The following PNP variants were observed in gnomAD, a reference collection of about 807,000 sequenced individuals.
PNP encodes the protein HEL-S-156an.
In PNP, 18 loss-of-function variants were observed where a neutral mutation model predicts 26.8. The observed-to-expected ratio is 0.67, with a 90% CI of 0.46 to 1.00. The LOEUF (loss-of-function observed/expected upper bound fraction) is 1.00, where lower values mean the gene tolerates loss of function less well. Ranked by LOEUF, PNP falls within the 50% of genes least tolerant of loss-of-function variation. The probability of loss-of-function intolerance (pLI) is 0.00; values close to 1 mark genes in which losing one functional copy is unlikely to be tolerated. For synonymous variants in PNP, 116 were observed against 124.8 expected (o/e 0.93, Z 0.47); for missense variants, 320 against 362.9 (o/e 0.88, Z 0.96).
intron 4 of PNP, 51 bp downstream of exon 4, chr14:20,474,999 C>G (rs1566525722): frequency 6.2e-7 from 1 of 1,613,482 alleles, no homozygotes; most frequent in African/African-American, 1.3e-5. Context: ...AAAGACTTCT[C>G]TAGGAGCTGT....
chr14:20,471,226 T>G (rs1008639594), intron 1 of PNP, among the ~76,000 whole-genome samples: 3 of 142,398 alleles, frequency 2.1e-5, no homozygotes, highest in African/African-American at 5.4e-5. Context: ...TTTTTTTGTA[T>G]TTTTAGTAGA....
chr14:20,472,393 T>C lies in PNP; in HGVS notation c.97T>C (p.Ser33Pro). 3 of 1,614,010 alleles carry C rather than the reference T, an allele frequency of 1.9e-6. No individual in the cohort carries two copies. Among genetic ancestry groups the C allele is most frequent in the Non-Finnish European group, 2.5e-6 (3 of 1,179,866 alleles). Residue 33 changes from serine (S) to proline (P), a missense_variant, in exon 2 of 6, where the codon TCT becomes CCT. Physicochemically the swap from Ser to Pro is moderately conservative, Grantham distance 74. Coordinates refer to ENST00000361505, the MANE Select transcript of PNP (RefSeq NM_000270.4). The part of the protein sequence containing the change: ...HRPQVAIICG[S>P]GLGGLTDKLT... ...ACCTCAAGTTGCAATAATCTGTGGT[T>C]CTGGATTAGGAGGTCTGACTGATAA...
chr14:20,476,683 C>T lies in PNP; in HGVS notation c.*82C>T. 1 of 1,069,924 alleles carries T rather than the reference C, an allele frequency of 9.3e-7. No homozygotes were observed. The highest frequency in any genetic ancestry group is 1.4e-6 in the Non-Finnish European group (1 of 692,670). The allele number at this position is 1,069,924 out of a possible 1,614,324, so 66.3% of individuals were successfully genotyped here. A position where few individuals can be genotyped will look rare whatever the true frequency, so the allele number is the denominator to read the frequency against. On this transcript the variant is annotated 3_prime_UTR_variant, in exon 6 of 6. Transcript: ENST00000361505. Reference sequence around the variant, plus strand: ...TTTGGCCCCTTGCTGGAGTCATGTGCCTCTGTCCTTAGGTTGTAGCAGAAA... The same window carrying T: ...TTTGGCCCCTTGCTGGAGTCATGTGTCTCTGTCCTTAGGTTGTAGCAGAAA...
At chr14:20,474,292 T>G (rs1713421) in intron 2 of PNP, 180 bp from the exon 3 acceptor site, 123,094 of 600,732 alleles carry the variant, frequency 0.2, 13,557 homozygotes, top group African/African-American at 0.32. Context: ...GTATAATTAT[T>G]AGTAATGCCT....
rs535741893 is a variant in PNP at position 20,476,654 on chromosome 14, C to A, written c.*53C>A. The A allele has an allele frequency of 7.0e-6, 10 of 1,420,520 alleles. No individual in the cohort carries two copies. In the African/African-American group the frequency reaches 1.4e-4, roughly 20 times the overall value. 88.0% of individuals were successfully genotyped at this position (1,420,520 alleles called of 1,614,324 possible). On this transcript the variant is annotated 3_prime_UTR_variant, in exon 6 of 6. Coordinates refer to ENST00000361505, the MANE Select transcript of PNP (RefSeq NM_000270.4). ...CACACAAGACCCAAGTAGCTGCTACCTTCTTTGGCCCCTTGCTGGAGTCAT... is the reference window on the plus strand; with the variant it reads ...CACACAAGACCCAAGTAGCTGCTACATTCTTTGGCCCCTTGCTGGAGTCAT...
rs1369359044 is a variant in PNP at position 20,476,381 on chromosome 14, C to G, written c.653-3C>G. The G allele has an allele frequency of 3.1e-6, 5 of 1,610,516 alleles. No homozygotes were observed. In the African/African-American group the frequency reaches 6.7e-5, roughly 22 times the overall value. ...AGTTGGTTTCCATCTTTCTCACTAT[C>G]AGGCATGAGTACAGTACCAGAAGTT... On this transcript the variant is annotated splice_region_variant and splice_polypyrimidine_tract_variant and intron_variant, in intron 5 of 5. Transcript: ENST00000361505.
chr14:20,472,358 C>T lies in PNP; in HGVS notation c.62C>T (p.Thr21Ile), dbSNP rs779046798. The T allele has an allele frequency of 1.9e-6, 3 of 1,613,762 alleles. No homozygotes were observed. Among genetic ancestry groups the T allele is most frequent in the South Asian group, 2.2e-5 (2 of 91,078 alleles). ...ACTGCAGAATGGCTTCTGTCTCACA[C>T]TAAGCACCGACCTCAAGTTGCAATA... ...KNTAEWLLSH[T>I]KHRPQVAIIC... The change falls in exon 2 of 6, where the codon ACT (threonine) becomes ATT (isoleucine). Residue 21 changes from threonine (T) to isoleucine (I), a missense_variant. Transcript: ENST00000361505.
intron 1 of PNP, chr14:20,469,791 G>T (rs1268591030): frequency 3.3e-6 from 2 of 609,734 alleles, no homozygotes; most frequent in Non-Finnish European, 5.8e-6. Context: ...TGCGGTCTAA[G>T]CTACTCCGTA....
At position 20,475,263 on chromosome 14, in the gene PNP, G is replaced by T. The variant is rs1594427857; in HGVS notation, c.652+11G>T. The T allele has an allele frequency of 1.2e-6, 2 of 1,608,862 alleles. No individual in the cohort carries two copies. Among genetic ancestry groups the T allele is most frequent in the East Asian group, 4.5e-5 (2 of 44,756 alleles). On this transcript the variant is annotated intron_variant, in intron 5 of 5. Transcript: ENST00000361505. ...GAGCAGACGCTGTTGGTGAGAAGGG[G>T]AATTTGGCTGGAAGCTTGAAGAGGG...
In PNP at chr14:20,474,835, A is replaced by AGCAGGAGGGCTGAACCCCAAGTT; in HGVS notation, c.349_371dup (p.Phe124LeufsTer5). The AGCAGGAGGGCTGAACCCCAAGTT allele has an allele frequency of 6.2e-7, 1 of 1,614,222 alleles. No homozygotes were observed. The highest frequency in any genetic ancestry group is 8.5e-7 in the Non-Finnish European group (1 of 1,180,028). ...TGGACACCCTGGTAGTCACCAATGC[A>AGCAGGAGGGCTGAACCCCAAGTT]GCAGGAGGGCTGAACCCCAAGTTTG... On this transcript the variant is annotated frameshift_variant, in exon 4 of 6. Transcript: ENST00000361505. LOFTEE classifies it high-confidence loss of function.
rs959791435 is a variant in PNP, at chr14:20,474,851, C to A, written c.364C>A (p.Pro122Thr). The A allele has an allele frequency of 1.9e-6, 3 of 1,614,034 alleles. No homozygotes were observed. In the African/African-American group the frequency reaches 4.0e-5, roughly 22 times the overall value. The change falls in exon 4 of 6, where the codon CCC (proline) becomes ACC (threonine). Residue 122 changes from proline (P) to threonine (T), a missense_variant. By Grantham distance (38) the Pro-to-Thr change is conservative (BLOSUM62 -1). Coordinates refer to ENST00000361505, the MANE Select transcript of PNP (RefSeq NM_000270.4). ...VVTNAAGGLN[P>T]KFEVGDIMLI... The stretch of plus-strand genomic sequence containing the variant: ...CACCAATGCAGCAGGAGGGCTGAAC[C>A]CCAAGTTTGAGGTTGGAGATATCAT...
chr14:20,472,272 G>A, intron 1 of PNP, 36 bp from the exon 2 acceptor site: 1 of 1,586,936 alleles, frequency 6.3e-7, no homozygotes, highest in South Asian at 1.1e-5. Flanking sequence ...CCTTGGAATG[G>A]GAGCAGAATT....
chr14:20,471,224 T>G (rs34480769), intron 1 of PNP, among the ~76,000 whole-genome samples: 1 of 129,626 alleles, frequency 7.7e-6, no homozygotes, highest in Non-Finnish European at 1.6e-5. Flanking sequence ...TTTTTTTTTG[T>G]ATTTTTAGTA....
rs1455444776 is a variant in PNP, at chr14:20,476,819, C to T, written c.*218C>T. The T allele has an allele frequency of 1.5e-5, 9 of 584,372 alleles. No homozygotes were observed. Among genetic ancestry groups the T allele is most frequent in the East Asian group, 3.0e-5 (1 of 33,634 alleles). The allele number at this position is 584,372 out of a possible 1,614,324, so 36.2% of individuals were successfully genotyped here. ...AGGTGTGAGCATAGTGAGACCTTGG[C>T]GCTACAAAATAAAGCTGTTCTCATT... On this transcript the variant is annotated 3_prime_UTR_variant, in exon 6 of 6. Coordinates refer to ENST00000361505, the MANE Select transcript of PNP (RefSeq NM_000270.4).
intron 1 of PNP, chr14:20,469,861 T>C (rs1594425088): frequency 1.8e-6 from 1 of 559,050 alleles, no homozygotes; most frequent in East Asian, 3.1e-5. Flanking sequence ...AGTGAGTATA[T>C]GTATATATCC....
chr14:20,475,508 GGAAT>G (rs1394140254), intron 5 of PNP, among the ~76,000 whole-genome samples: 1 of 152,022 alleles, frequency 6.6e-6, no homozygotes, highest in Non-Finnish European at 1.5e-5. Context: ...TTTTTGAGAC[GGAAT>G]GTCGCTGTGT....
At position 20,475,126 on chromosome 14, in the gene PNP, A is replaced by G; in HGVS notation, c.526A>G (p.Ser176Gly). 6.2e-7 allele frequency: 1 copy of G among 1,614,212 alleles called. No individual in the cohort carries two copies. The highest frequency in any genetic ancestry group is 1.1e-5 in the South Asian group (1 of 91,084). Residue 176 changes from serine to glycine, a missense_variant, in exon 5 of 6, where the codon AGT becomes GGT. Ser to Gly is a moderately conservative substitution (Grantham distance 56, BLOSUM62 0). Coordinates refer to ENST00000361505, the MANE Select transcript of PNP (RefSeq NM_000270.4). Reference sequence around the variant, plus strand: ...CCGGACTATGAGGCAGAGGGCTCTCAGTACCTGGAAACAAATGGGGGAGCA... The same window carrying G: ...CCGGACTATGAGGCAGAGGGCTCTCGGTACCTGGAAACAAATGGGGGAGCA... ...YDRTMRQRAL[S>G]TWKQMGEQRE... is the part of the protein sequence containing the mutation.
At position 20,477,028 on chromosome 14, in the gene PNP, A is replaced by G. The variant is rs577756245; in HGVS notation, c.*427A>G. 5.5e-5 allele frequency: 14 copies of G among 254,262 alleles called. No homozygotes were observed. In the East Asian group the frequency reaches 1.3e-3, roughly 24 times the overall value. 15.8% of individuals were successfully genotyped at this position (254,262 alleles called of 1,614,324 possible). A position where few individuals can be genotyped will look rare whatever the true frequency, so the allele number is the denominator to read the frequency against. ...CCAGAGACCAAACAAGGACTAATCC[A>G]ATACCTCTTGGATTTTATTTAATGT... On this transcript the variant is annotated 3_prime_UTR_variant, in exon 6 of 6. Coordinates refer to ENST00000361505, the MANE Select transcript of PNP (RefSeq NM_000270.4).
chr14:20,474,414 G>A (rs1007762837), intron 2 of PNP, 58 bp from the exon 3 acceptor site: 124 of 1,404,584 alleles, frequency 8.8e-5, no homozygotes, highest in Middle Eastern at 1.8e-4. Flanking sequence ...GGTGCTTAAT[G>A]GATATGTGTT....
Sources: gnomAD v4.1 joint callset for allele counts (sites outside exome capture counted in the v4.1 genomes callset) on GRCh38, gnomAD v4.1.1 for gene constraint, MANE v1.5 for transcripts, NCBI Gene and HGNC (gene_info 2026-07-23, HGNC 2026-07-21) for gene names.